Variants in WTAP observed in about 807,000 individuals in gnomAD.
The protein encoded by WTAP is WT1 associated protein.
WTAP carries 8 observed loss-of-function variants against 50.0 expected under a neutral mutation model. The observed-to-expected ratio is 0.16, with a 90% CI of 0.09 to 0.29. The LOEUF is 0.29. Ranked by LOEUF, WTAP falls within the 10% of genes least tolerant of loss-of-function variation. WTAP has a pLI of 1.00. For synonymous variants in WTAP, 194 were observed against 169.0 expected, an observed-to-expected ratio of 1.15 and a Z score of -1.15; for missense variants, 295 against 470.7, an observed-to-expected ratio of 0.63 and a Z score of 3.45.
chr6:159,739,669 GATAAAA>G (rs1217536197), intron 3 of WTAP, among the ~76,000 whole-genome samples: 2 of 152,058 alleles, frequency 1.3e-5, no homozygotes, highest in Non-Finnish European at 2.9e-5. Flanking sequence ...TGATAACTTA[GATAAAA>G]ATAAAATAAG....
intron 6 of WTAP, chr6:159,749,522 T>C (rs1779747275): frequency 1.2e-6 from 1 of 825,028 alleles, no homozygotes; most frequent in Non-Finnish European, 1.5e-6. Flanking sequence ...TGAGAGCAGA[T>C]TCATTTTGGA....
At chr6:159,729,127 T>C (rs1778409480) in intron 1 of WTAP, among the ~76,000 whole-genome samples, 1 of 152,226 alleles carries the variant, frequency 6.6e-6, no homozygotes, top group African/African-American at 2.4e-5. Context: ...TCACAATTTG[T>C]ACAGTACATT....
intron 1 of WTAP, among the ~76,000 whole-genome samples, chr6:159,729,551 A>G (rs1562449415): frequency 6.7e-6 from 1 of 149,666 alleles, no homozygotes; most frequent in Non-Finnish European, 1.5e-5. Context: ...TTTTATGTTC[A>G]TATTATGTTC....
chr6:159,727,402 A>AGGCGGGAGGCGGGG (rs773728704), upstream of WTAP: 12 of 1,162,404 alleles, frequency 1.0e-5, no homozygotes, highest in Admixed American at 6.1e-5. Flanking sequence ...GGGAGGCGGG[A>AGGCGGGAGGCGGGG]GGCAGTGGCG....
chr6:159,734,325 C>T (rs1016361439), intron 1 of WTAP, among the ~76,000 whole-genome samples: 2 of 147,890 alleles, frequency 1.4e-5, no homozygotes, highest in African/African-American at 2.5e-5. Flanking sequence ...AAGTAGCTTT[C>T]GAGATGATGC....
rs1779341141 is a variant in WTAP, at chr6:159,742,820, C to G, written c.145+674C>G. On this transcript the variant is annotated intron_variant, in intron 4 of 7. Transcript: ENST00000621533. ...CCTATAATCCCAGCACTTTGGGAGG[C>G]CAAGGTGGGAAGATCACTTGAGCCC... 2.6e-5 allele frequency among the ~76,000 whole-genome samples: 4 copies of G among 151,864 alleles called. No individual in the cohort carries two copies. The South Asian group carries it at 8.3e-4, about 32-fold the overall frequency.
chr6:159,755,323 T>A lies in WTAP; in HGVS notation c.903T>A (p.Asp301Glu). The A allele has an allele frequency of 6.2e-7, 1 of 1,614,242 alleles. No individual in the cohort carries two copies. The highest frequency in any genetic ancestry group is 8.5e-7 in the Non-Finnish European group (1 of 1,180,044). ...ACAGGGAGGGCAACACAACCGAAGA[T>A]GACTTTCCTTCTTCTCCAGGGAATG... is the stretch of plus-strand genomic sequence containing the variant. ...GFHREGNTTEDDFPSSPGNGN... is the reference protein window; with the variant it reads ...GFHREGNTTEEDFPSSPGNGN... Residue 301 changes from aspartate to glutamate, a missense_variant, in exon 8 of 8, where the codon GAT becomes GAA. By Grantham distance (45) the Asp-to-Glu change is conservative. This residue lies in a region of WTAP where 175 missense variants were observed against 183.1 expected (regional missense o/e 0.96). Coordinates refer to ENST00000621533, the MANE Select transcript of WTAP (RefSeq NM_001270531.2).
intron 1 of WTAP, among the ~76,000 whole-genome samples, chr6:159,729,993 G>A (rs1278206517): frequency 6.6e-6 from 1 of 152,284 alleles, no homozygotes; most frequent in East Asian, 1.9e-4. Flanking sequence ...ATCAAGAGTA[G>A]ATGGTGGTCC....
intron 3 of WTAP, 181 bp from the exon 4 acceptor site, chr6:159,741,907 G>C: frequency 2.0e-6 from 1 of 488,960 alleles, no homozygotes; most frequent in Non-Finnish European, 3.6e-6. Flanking sequence ...CCCTGTTTGC[G>C]CCACGCTGCA....
At chr6:159,726,755 CCA>C, upstream of WTAP, 7 of 1,287,642 alleles carry the variant, frequency 5.4e-6, no homozygotes, top group Non-Finnish European at 7.1e-6. Flanking sequence ...CGATGCGTCT[CCA>C]GAGATGTCAA....
rs745503209 is a variant in WTAP at position 159,755,334 on chromosome 6, C to T, written c.914C>T (p.Ser305Phe). Residue 305 changes from serine to phenylalanine, a missense_variant, in exon 8 of 8, where the codon TCT (serine) becomes TTT (phenylalanine). Coordinates refer to ENST00000621533, the MANE Select transcript of WTAP (RefSeq NM_001270531.2). Reference sequence around the variant, plus strand: ...AACACAACCGAAGATGACTTTCCTTCTTCTCCAGGGAATGGTAATAAGTCC... The same window carrying T: ...AACACAACCGAAGATGACTTTCCTTTTTCTCCAGGGAATGGTAATAAGTCC... Reference protein sequence around the residue: ...EGNTTEDDFPSSPGNGNKSSN... With the variant: ...EGNTTEDDFPFSPGNGNKSSN... 1.5e-5 allele frequency: 25 copies of T among 1,614,136 alleles called. No individual in the cohort carries two copies. The highest frequency in any genetic ancestry group is 2.0e-5 in the Non-Finnish European group (24 of 1,180,052).
intron 3 of WTAP, chr6:159,741,571 G>A (rs537107177): frequency 1.3e-5 from 2 of 152,442 alleles, no homozygotes; most frequent in Admixed American, 1.3e-4. Flanking sequence ...TGAATCTGGG[G>A]TTTGATCTCA....
chr6:159,751,999 G>T (rs917751620), intron 6 of WTAP, among the ~76,000 whole-genome samples: 3 of 150,586 alleles, frequency 2.0e-5, no homozygotes, highest in Admixed American at 1.3e-4. Flanking sequence ...GGACGTCAAG[G>T]CTCCAGTGAG....
Position 159,727,551 on chromosome 6 carries a change from G to T in WTAP, c.-161G>T. On this transcript the variant is annotated 5_prime_UTR_variant, in exon 1 of 8. Coordinates refer to ENST00000621533, the MANE Select transcript of WTAP (RefSeq NM_001270531.2). ...GGCAGCGAGACCCACAAATAAAGGG[G>T]AGCGCAGGGGTTGCGGCGGGACTAG... The T allele has an allele frequency of 1.0e-6, 1 of 989,276 alleles. No individual in the cohort carries two copies. The highest frequency in any genetic ancestry group is 4.5e-5 in the South Asian group (1 of 22,288). 61.3% of individuals were successfully genotyped at this position (989,276 alleles called of 1,614,324 possible). A position where few individuals can be genotyped will look rare whatever the true frequency, so the allele number is the denominator to read the frequency against.
At chr6:159,739,288 T>A (rs2114909829) in intron 3 of WTAP, among the ~76,000 whole-genome samples, 1 of 152,338 alleles carries the variant, frequency 6.6e-6, no homozygotes, top group Admixed American at 6.5e-5. Context: ...GTGTAGTTTT[T>A]CCTTTCGTGT....
chr6:159,748,432 T>G lies in WTAP; in HGVS notation c.452+63T>G. The G allele has an allele frequency of 1.9e-6, 3 of 1,591,512 alleles. No individual in the cohort carries two copies. Among genetic ancestry groups the G allele is most frequent in the Non-Finnish European group, 2.6e-6 (3 of 1,166,912 alleles). ...CAGTCCCACTACGAGAAAGCTGTGG[T>G]GGGACAGCCAAGTACTCGTTTCCAC... On this transcript the variant is annotated intron_variant, in intron 6 of 7. Coordinates refer to ENST00000621533, the MANE Select transcript of WTAP (RefSeq NM_001270531.2). This position sits in a 1 kb window ranked among gnomAD's most constrained non-coding sequence, Gnocchi z 5.6.
Position 159,739,824 on chromosome 6 carries a change from C to CTT in WTAP, c.86+811_86+812dup, listed in dbSNP as rs56389349. Among the ~76,000 whole-genome samples, 488 of 85,160 alleles carry CTT rather than the reference C, an allele frequency of 5.7e-3. 4 individuals carry two copies. The highest frequency in any genetic ancestry group is 7.9e-3 in the Non-Finnish European group (365 of 45,940). 55.9% of individuals were successfully genotyped at this position (85,160 alleles called of 152,430 possible). A position where few individuals can be genotyped will look rare whatever the true frequency, so the allele number is the denominator to read the frequency against. On this transcript the variant is annotated intron_variant, in intron 3 of 7. Coordinates refer to ENST00000621533, the MANE Select transcript of WTAP (RefSeq NM_001270531.2). Reference sequence around the variant, plus strand: ...ACTGTATTATGAACACACTTTTTACCTTTTTTTTTTTTTTTTTTTTTTTTT... The same window carrying CTT: ...ACTGTATTATGAACACACTTTTTACCTTTTTTTTTTTTTTTTTTTTTTTTTTT...
At chr6:159,751,004 G>A (rs1779799451) in intron 6 of WTAP, among the ~76,000 whole-genome samples, 1 of 152,238 alleles carries the variant, frequency 6.6e-6, no homozygotes, top group Non-Finnish European at 1.5e-5. Context: ...TTTCATTCAT[G>A]TGAGAATGCA....
At chr6:159,731,111 A>C (rs1308674592) in intron 1 of WTAP, 1 of 152,318 alleles carries the variant, frequency 6.6e-6, no homozygotes, top group African/African-American at 2.4e-5. Context: ...CGTGCACTCC[A>C]GCCTGGGCAA....
Sources: allele counts gnomAD v4.1 joint callset (sites outside exome capture counted in the v4.1 genomes callset), GRCh38; gene constraint gnomAD v4.1.1; regional missense constraint gnomAD v4.1.1; non-coding constraint Gnocchi (gnomAD v3.1); transcripts MANE v1.5; gene names NCBI Gene and HGNC (gene_info 2026-07-23, HGNC 2026-07-21).